Variants in FILIP1 observed in about 807,000 individuals in gnomAD.
The protein encoded by FILIP1 is filamin-A-interacting protein 1.
Under a neutral mutation model 102.1 loss-of-function variants are expected in FILIP1, and 61 were observed. That is an observed-to-expected ratio of 0.60 (90% CI 0.49 to 0.74). FILIP1 has a LOEUF of 0.74. Ranked by LOEUF, FILIP1 falls within the 30% of genes least tolerant of loss-of-function variation. FILIP1 has a pLI of 0.00. For synonymous variants in FILIP1, 491 were observed against 526.9 expected (o/e 0.93, Z 0.93); for missense variants, 1,314 against 1,441.2 (o/e 0.91, Z 1.43).
intron 3 of FILIP1, among the ~76,000 whole-genome samples, chr6:75,358,050 T>C (rs1342078153): frequency 6.6e-6 from 1 of 152,104 alleles, no homozygotes; most frequent in East Asian, 1.9e-4. Flanking sequence ...GGAAGGAAAA[T>C]TGAATGAGAT....
chr6:75,442,671 G>T (rs936075755), intron 1 of FILIP1, among the ~76,000 whole-genome samples: 4 of 152,208 alleles, frequency 2.6e-5, no homozygotes, highest in Admixed American at 2.0e-4. Flanking sequence ...GGAGAATCAG[G>T]CAGGGAGGTT....
At chr6:75,395,006 G>A (rs1776411604) in intron 2 of FILIP1, among the ~76,000 whole-genome samples, 1 of 152,082 alleles carries the variant, frequency 6.6e-6, no homozygotes, top group African/African-American at 2.4e-5. Context: ...TAAATGTCCT[G>A]CAACAGGAGA....
At chr6:75,380,723 C>A (rs139272187) in intron 2 of FILIP1, among the ~76,000 whole-genome samples, 125 of 151,682 alleles carry the variant, frequency 8.2e-4, no homozygotes, top group African/African-American at 2.8e-3. Context: ...TACAGTACAC[C>A]CATAGAATAA....
chr6:75,492,760 T>C (rs1345992206), intron 1 of FILIP1, among the ~76,000 whole-genome samples: 1 of 152,242 alleles, frequency 6.6e-6, no homozygotes, highest in African/African-American at 2.4e-5. Context: ...GATTTATTTT[T>C]TAAAAGTACA....
chr6:75,296,028 C>G, intron 6 of FILIP1: 1 of 1,012,300 alleles, frequency 9.9e-7, no homozygotes, highest in Non-Finnish European at 1.3e-6. Context: ...ACTAAAAGAT[C>G]ATAGATGTTA....
chr6:75,428,448 G>C (rs1176036098), intron 1 of FILIP1: 1 of 154,332 alleles, frequency 6.5e-6, no homozygotes, highest in East Asian at 1.9e-4. Context: ...GAATTTGTGA[G>C]ACTGGGGTGG....
At chr6:75,450,882 G>A (rs1469463869) in intron 1 of FILIP1, among the ~76,000 whole-genome samples, 2 of 151,932 alleles carry the variant, frequency 1.3e-5, no homozygotes, top group Non-Finnish European at 2.9e-5. Context: ...TTGAACCTGC[G>A]AGGCAGAGGT....
At chr6:75,476,232 C>T (rs977989922) in intron 1 of FILIP1, among the ~76,000 whole-genome samples, 6 of 113,462 alleles carry the variant, frequency 5.3e-5, no homozygotes, top group African/African-American at 2.0e-4. Flanking sequence ...CAGAGCAAGA[C>T]TCCATCTCAA....
At chr6:75,450,493 TA>T (rs1362556899) in intron 1 of FILIP1, among the ~76,000 whole-genome samples, 1 of 151,422 alleles carries the variant, frequency 6.6e-6, no homozygotes, top group African/African-American at 2.4e-5. Flanking sequence ...TTTAAAAAAT[TA>T]AAAAATTAGC....
chr6:75,355,360 T>C (rs936372730), intron 3 of FILIP1, among the ~76,000 whole-genome samples: 2 of 151,944 alleles, frequency 1.3e-5, no homozygotes, highest in African/African-American at 4.8e-5. Context: ...TTACCAGGTC[T>C]TTGTGCCTCT....
chr6:75,294,598 G>A (rs899787422), exon 7 of FILIP1: 1 of 152,182 alleles, frequency 6.6e-6, no homozygotes, highest in Non-Finnish European at 1.5e-5. Flanking sequence ...CTGTAGTTAC[G>A]AAAATCTTTC....
intron 4 of FILIP1, among the ~76,000 whole-genome samples, chr6:75,323,365 C>A (rs1478222412): frequency 6.6e-6 from 1 of 152,022 alleles, no homozygotes; most frequent in Admixed American, 6.6e-5. Flanking sequence ...TAAATTATAT[C>A]TCAATTAAAA....
chr6:75,385,287 T>C (rs1270405594), intron 2 of FILIP1, among the ~76,000 whole-genome samples: 1 of 152,166 alleles, frequency 6.6e-6, no homozygotes, highest in African/African-American at 2.4e-5. Flanking sequence ...AATTAATTCA[T>C]ATGCTAATTA....
intron 1 of FILIP1, among the ~76,000 whole-genome samples, chr6:75,486,034 T>A (rs1422931970): frequency 1.3e-5 from 2 of 151,562 alleles, no homozygotes; most frequent in African/African-American, 4.9e-5. Flanking sequence ...ACCAAAGGTT[T>A]CTTGAAGAAG....
At chr6:75,317,768 A>G (rs183821844) in intron 4 of FILIP1, among the ~76,000 whole-genome samples, 2 of 152,224 alleles carry the variant, frequency 1.3e-5, no homozygotes, top group East Asian at 3.9e-4. Context: ...TGCCCATCTC[A>G]TAGTTAAAGT....
chr6:75,413,782 A>AG, intron 2 of FILIP1, among the ~76,000 whole-genome samples: 1 of 141,622 alleles, frequency 7.1e-6, no homozygotes, highest in South Asian at 2.4e-4. Context: ...CATCTTCTCC[A>AG]GGAAAAAAAA....
At chr6:75,359,084 C>T (rs1420094445) in intron 3 of FILIP1, among the ~76,000 whole-genome samples, 1 of 151,908 alleles carries the variant, frequency 6.6e-6, no homozygotes, top group East Asian at 1.9e-4. Context: ...CTCACTGCAA[C>T]TGCCGAGGCC....
chr6:75,436,780 GA>G lies in FILIP1; in HGVS notation c.-6-21803del, dbSNP rs549961477. The stretch of plus-strand genomic sequence containing the variant: ...CAGAAATCCTCTGTATTTAGGTCAA[GA>G]CAAACAATGGGAAATGATGTGCTGG... On this transcript the variant is annotated intron_variant, in intron 1 of 5. Transcript: ENST00000237172. 5.2e-3 allele frequency among the ~76,000 whole-genome samples: 798 copies of G among 152,228 alleles called. 6 individuals carry two copies. The highest frequency in any genetic ancestry group is 0.019 in the African/African-American group (772 of 41,526).
intron 1 of FILIP1, among the ~76,000 whole-genome samples, chr6:75,467,669 T>A (rs2149759255): frequency 6.6e-6 from 1 of 152,260 alleles, no homozygotes; most frequent in East Asian, 1.9e-4. Context: ...ATCTCAAAAT[T>A]TTAGAACGAA....
Sources: allele counts gnomAD v4.1 joint callset (sites outside exome capture counted in the v4.1 genomes callset), GRCh38; gene constraint gnomAD v4.1.1; transcripts MANE v1.5; gene names NCBI Gene and HGNC (gene_info 2026-07-23, HGNC 2026-07-21).